The following ST6GALNAC3 variants were observed in gnomAD, a reference collection of about 807,000 sequenced individuals.
The protein encoded by ST6GALNAC3 is ST6 N-acetylgalactosaminide alpha-2,6-sialyltransferase 3.
Under a neutral mutation model 32.7 loss-of-function variants are expected in ST6GALNAC3, and 25 were observed. The ratio of observed to expected loss-of-function variants is 0.76; its 90% CI spans 0.56 to 1.07. ST6GALNAC3 has a LOEUF of 1.07. ST6GALNAC3 is among the 50% of genes least tolerant of loss of function. The pLI is 0.00. For synonymous variants in ST6GALNAC3, 129 were observed against 133.1 expected (o/e 0.97, Z 0.21); for missense variants, 355 against 382.4 (o/e 0.93, Z 0.60).
At chr1:76,359,389 C>T (rs1333024395) in intron 2 of ST6GALNAC3, among the ~76,000 whole-genome samples, 1 of 152,030 alleles carries the variant, frequency 6.6e-6, no homozygotes, top group Non-Finnish European at 1.5e-5. Flanking sequence ...GCCCCTAAAC[C>T]AATAAGACTT....
chr1:76,120,733 C>T (rs1257113874), intron 1 of ST6GALNAC3, among the ~76,000 whole-genome samples: 1 of 152,204 alleles, frequency 6.6e-6, no homozygotes, highest in East Asian at 1.9e-4. Flanking sequence ...TGCTCTTTCT[C>T]TGAAGAGCAC....
chr1:76,586,911 A>G (rs2117905), intron 3 of ST6GALNAC3, among the ~76,000 whole-genome samples: 69,682 of 151,994 alleles, frequency 0.46, 17,253 homozygotes, highest in East Asian at 0.58. Context: ...TCTGTACAGG[A>G]TTTTGATTTC....
intron 2 of ST6GALNAC3, among the ~76,000 whole-genome samples, chr1:76,352,497 C>CTTT (rs397706056): frequency 1.5e-4 from 17 of 116,204 alleles, no homozygotes; most frequent in East Asian, 5.2e-4. Context: ...TTTTGGTTTC[C>CTTT]TTTTTTTTTT....
At chr1:76,249,345 A>G (rs987698823) in intron 1 of ST6GALNAC3, among the ~76,000 whole-genome samples, 1 of 152,210 alleles carries the variant, frequency 6.6e-6, no homozygotes, top group African/African-American at 2.4e-5. Context: ...GTGGAATAAT[A>G]TAATTGTGAC....
At chr1:76,447,238 A>G (rs1298478836) in intron 3 of ST6GALNAC3, among the ~76,000 whole-genome samples, 1 of 152,194 alleles carries the variant, frequency 6.6e-6, no homozygotes. Flanking sequence ...GACTGGTGGC[A>G]TTTTGCCCCT....
intron 1 of ST6GALNAC3, among the ~76,000 whole-genome samples, chr1:76,104,812 G>A (rs959873772): frequency 2.0e-5 from 3 of 152,264 alleles, no homozygotes; most frequent in African/African-American, 7.2e-5. Context: ...TACAATCGTG[G>A]TGGAAGGTGA....
chr1:76,108,326 T>G (rs1420617347), intron 1 of ST6GALNAC3, among the ~76,000 whole-genome samples: 1 of 152,220 alleles, frequency 6.6e-6, no homozygotes, highest in Non-Finnish European at 1.5e-5. Context: ...GCTCTTTTTT[T>G]CACAAAAATT....
At chr1:76,091,030 T>G (rs1647037688) in intron 1 of ST6GALNAC3, among the ~76,000 whole-genome samples, 1 of 152,184 alleles carries the variant, frequency 6.6e-6, no homozygotes, top group South Asian at 2.1e-4. Flanking sequence ...CGAATGTTTA[T>G]CAGAAAACTG....
rs72674476 is a variant in ST6GALNAC3, at chr1:76,182,820, G to C, written c.18+107936G>C. Among the ~76,000 whole-genome samples the C allele has an allele frequency of 1.1e-3, 160 of 151,372 alleles. 1 individual carries two copies. Among genetic ancestry groups the C allele is most frequent in the Non-Finnish European group, 1.7e-3 (112 of 67,784 alleles). On this transcript the variant is annotated intron_variant, in intron 1 of 4. Coordinates refer to ENST00000328299, the MANE Select transcript of ST6GALNAC3 (RefSeq NM_152996.4). The stretch of plus-strand genomic sequence containing the variant: ...GTAACATAGATTTTCATTTTAATGG[G>C]AGTGTTGTAATACCTTCATAATTTT...
chr1:76,447,303 C>A (rs1279069624), intron 3 of ST6GALNAC3, among the ~76,000 whole-genome samples: 1 of 152,096 alleles, frequency 6.6e-6, no homozygotes, highest in Non-Finnish European at 1.5e-5. Flanking sequence ...GGGCATCTGG[C>A]AGAAGAAATT....
Position 76,314,002 on chromosome 1 carries a change from A to G in ST6GALNAC3, c.213+3A>G. ...ACATAAATGTGAAGACACAAGAGGT[A>G]AGATCCCAGAGGGTTACCTAGCAGT... On this transcript the variant is annotated splice_donor_region_variant and intron_variant, in intron 2 of 4. Coordinates refer to ENST00000328299, the MANE Select transcript of ST6GALNAC3 (RefSeq NM_152996.4). 6.2e-7 allele frequency: 1 copy of G among 1,610,662 alleles called. No individual in the cohort carries two copies. Among genetic ancestry groups the G allele is most frequent in the Non-Finnish European group, 8.5e-7 (1 of 1,178,278 alleles).
At chr1:76,113,515 A>T (rs1476894200) in intron 1 of ST6GALNAC3, among the ~76,000 whole-genome samples, 1 of 150,298 alleles carries the variant, frequency 6.7e-6, no homozygotes. Context: ...TTTTTGGTTT[A>T]TTTTGTTTTT....
intron 1 of ST6GALNAC3, among the ~76,000 whole-genome samples, chr1:76,180,107 C>T (rs530242051): frequency 6.6e-6 from 1 of 152,106 alleles, no homozygotes; most frequent in South Asian, 2.1e-4. Flanking sequence ...GGGGCAGGGC[C>T]CACATTTTGT....
chr1:76,552,965 A>G (rs977026808), intron 3 of ST6GALNAC3, among the ~76,000 whole-genome samples: 1 of 152,146 alleles, frequency 6.6e-6, no homozygotes, highest in Non-Finnish European at 1.5e-5. Context: ...TTCATGAAAT[A>G]TTTTTTGGAG....
At chr1:76,363,345 G>A (rs772317188) in intron 2 of ST6GALNAC3, among the ~76,000 whole-genome samples, 10 of 152,144 alleles carry the variant, frequency 6.6e-5, no homozygotes, top group Non-Finnish European at 1.0e-4. Context: ...CTAAGGCATT[G>A]CAAAAATGAC....
intron 1 of ST6GALNAC3, among the ~76,000 whole-genome samples, chr1:76,148,986 G>A (rs1186754454): frequency 1.3e-5 from 2 of 152,124 alleles, no homozygotes; most frequent in African/African-American, 2.4e-5. Flanking sequence ...TCCCGTTGCC[G>A]AGCCTTAGTT....
At chr1:76,474,570 A>T (rs1571344910) in intron 3 of ST6GALNAC3, among the ~76,000 whole-genome samples, 1 of 152,230 alleles carries the variant, frequency 6.6e-6, no homozygotes, top group African/African-American at 2.4e-5. Flanking sequence ...TATGTAAAAC[A>T]CTCCTAAGCA....
intron 1 of ST6GALNAC3, among the ~76,000 whole-genome samples, chr1:76,088,097 C>G (rs1428611511): frequency 6.6e-6 from 1 of 152,132 alleles, no homozygotes; most frequent in Non-Finnish European, 1.5e-5. Flanking sequence ...AGGCATTGTT[C>G]TCAGCACTTT....
At chr1:76,610,694 CAG>C (rs1326653593) in intron 3 of ST6GALNAC3, among the ~76,000 whole-genome samples, 1 of 152,138 alleles carries the variant, frequency 6.6e-6, no homozygotes, top group Non-Finnish European at 1.5e-5. Flanking sequence ...TAAGTGGCGA[CAG>C]GGAGTGCTAG....
Sources: gnomAD v4.1 joint callset for allele counts (sites outside exome capture counted in the v4.1 genomes callset) on GRCh38, gnomAD v4.1.1 for gene constraint, MANE v1.5 for transcripts, NCBI Gene and HGNC (gene_info 2026-07-23, HGNC 2026-07-21) for gene names.